The following MAGI1 variants were observed in gnomAD, a reference collection of about 807,000 sequenced individuals.
The protein encoded by MAGI1 is membrane associated guanylate kinase, WW and PDZ domain containing 1.
In MAGI1, 58 loss-of-function variants were observed where a neutral mutation model predicts 139.9. The ratio of observed to expected loss-of-function variants is 0.41; its 90% CI spans 0.34 to 0.52. The LOEUF (loss-of-function observed/expected upper bound fraction) is 0.52, where lower values mean the gene tolerates loss of function less well. Among genes scored for constraint, MAGI1 ranks in the 20% least tolerant of loss-of-function variants. MAGI1 has a pLI of 0.12. For missense variants in MAGI1, 1,874 were observed against 1,901.6 expected (o/e 0.99, Z 0.27); for synonymous variants, 812 against 737.9 (o/e 1.10, Z -1.63).
chr3:65,832,624 T>C (rs1277029241), intron 1 of MAGI1, among the ~76,000 whole-genome samples: 1 of 152,040 alleles, frequency 6.6e-6, no homozygotes, highest in African/African-American at 2.4e-5. Context: ...ACAATTACCA[T>C]GTGTTTTGGA....
chr3:65,378,687 T>C (rs1003066606), intron 17 of MAGI1, among the ~76,000 whole-genome samples: 3 of 149,852 alleles, frequency 2.0e-5, no homozygotes, highest in African/African-American at 7.5e-5. Context: ...CCTTTTCTTT[T>C]TTTTTTTTTT....
At chr3:65,512,036 A>G (rs1358219683) in intron 2 of MAGI1, among the ~76,000 whole-genome samples, 1 of 97,446 alleles carries the variant, frequency 1.0e-5, no homozygotes, top group Non-Finnish European at 2.1e-5. Flanking sequence ...GAAACTGAAC[A>G]ACCTGCTCCT....
chr3:65,710,743 C>A (rs930387686), intron 1 of MAGI1, among the ~76,000 whole-genome samples: 1 of 152,218 alleles, frequency 6.6e-6, no homozygotes, highest in Admixed American at 6.5e-5. Context: ...CAAGGTCACA[C>A]AACAAATCAA....
chr3:65,975,095 A>AG (rs1014861536), intron 1 of MAGI1, among the ~76,000 whole-genome samples: 1 of 151,502 alleles, frequency 6.6e-6, no homozygotes, highest in Non-Finnish European at 1.5e-5. Context: ...AGCTATTTAA[A>AG]AAAAAAAAAA....
chr3:65,372,627 T>A (rs1358195805), intron 18 of MAGI1, among the ~76,000 whole-genome samples: 1 of 152,232 alleles, frequency 6.6e-6, no homozygotes, highest in Non-Finnish European at 1.5e-5. Flanking sequence ...AATGACCATC[T>A]TCTTTCAATA....
At chr3:65,424,484 T>C (rs1416430043) in intron 12 of MAGI1, among the ~76,000 whole-genome samples, 1 of 152,170 alleles carries the variant, frequency 6.6e-6, no homozygotes, top group Non-Finnish European at 1.5e-5. Flanking sequence ...TGAAATTATT[T>C]AGCGGCCTGA....
intron 2 of MAGI1, among the ~76,000 whole-genome samples, chr3:65,542,688 C>T (rs760877163): frequency 2.0e-5 from 3 of 152,148 alleles, no homozygotes; most frequent in Non-Finnish European, 4.4e-5. Context: ...GCTGGGAAAA[C>T]TGGCTAGCCA....
chr3:65,910,591 G>A (rs1419444857), intron 1 of MAGI1, among the ~76,000 whole-genome samples: 2 of 152,118 alleles, frequency 1.3e-5, no homozygotes, highest in African/African-American at 4.8e-5. Flanking sequence ...AGCTGGGAAA[G>A]TGATCATCTA....
At chr3:65,440,437 A>T (rs566501014) in intron 8 of MAGI1, among the ~76,000 whole-genome samples, 27 of 152,284 alleles carry the variant, frequency 1.8e-4, no homozygotes, top group African/African-American at 6.0e-4. Context: ...AATGTCCAAG[A>T]TACCACCTGA....
intron 6 of MAGI1, among the ~76,000 whole-genome samples, chr3:65,450,709 T>C (rs1382981909): frequency 2.6e-5 from 4 of 152,170 alleles, no homozygotes; most frequent in African/African-American, 9.7e-5. Context: ...GAAGGAGTCA[T>C]TCACTAACAT....
At chr3:65,472,592 C>T (rs1354055167) in intron 4 of MAGI1, among the ~76,000 whole-genome samples, 1 of 152,184 alleles carries the variant, frequency 6.6e-6, no homozygotes, top group Non-Finnish European at 1.5e-5. Flanking sequence ...TTTCCAGAAT[C>T]ACCAGGACCT....
intron 1 of MAGI1, among the ~76,000 whole-genome samples, chr3:65,667,662 C>G (rs1248636039): frequency 6.6e-6 from 1 of 152,166 alleles, no homozygotes; most frequent in Non-Finnish European, 1.5e-5. Context: ...GCCTCAACCT[C>G]CTGGGCTCAA....
chr3:65,456,759 C>T (rs1170285638), intron 5 of MAGI1, among the ~76,000 whole-genome samples: 3 of 152,076 alleles, frequency 2.0e-5, no homozygotes, highest in African/African-American at 4.8e-5. Context: ...TGCTCTTGGA[C>T]CATTTACTGA....
At chr3:65,913,261 C>CA (rs1186537305) in intron 1 of MAGI1, among the ~76,000 whole-genome samples, 1 of 151,888 alleles carries the variant, frequency 6.6e-6, no homozygotes, top group Non-Finnish European at 1.5e-5. Context: ...AAGACTGTCT[C>CA]AAAAAACAAA....
chr3:65,518,764 G>A (rs2078013822), intron 2 of MAGI1, among the ~76,000 whole-genome samples: 2 of 104,786 alleles, frequency 1.9e-5, no homozygotes, highest in African/African-American at 5.6e-5. Context: ...GACGGTAGAT[G>A]CAGCAAAAAA....
intron 1 of MAGI1, among the ~76,000 whole-genome samples, chr3:65,716,136 T>C (rs1212193091): frequency 6.6e-6 from 1 of 152,230 alleles, no homozygotes; most frequent in African/African-American, 2.4e-5. Context: ...GTCCTCAACT[T>C]AGGAACTGAT....
rs1054267304 is a variant in MAGI1 at position 66,034,154 on chromosome 3, C to G, written c.313+3842G>C. ...CACCCCATGGTTGTTACCCCACCCC[C>G]CAACCCCAACCCCATCCCCCGCAAA... On this transcript the variant is annotated intron_variant, in intron 1 of 22. Transcript: ENST00000402939. Among the ~76,000 whole-genome samples the G allele has an allele frequency of 2.6e-5, 4 of 152,080 alleles. No individual in the cohort carries two copies. The East Asian group carries it at 5.8e-4, about 22-fold the overall frequency.
chr3:65,921,018 G>T (rs1411815620), intron 1 of MAGI1, among the ~76,000 whole-genome samples: 1 of 151,714 alleles, frequency 6.6e-6, no homozygotes. Flanking sequence ...GACAGAGCAA[G>T]GTTCTGTCTC....
intron 5 of MAGI1, among the ~76,000 whole-genome samples, chr3:65,468,672 C>T (rs763366198): frequency 1.3e-4 from 19 of 151,974 alleles, no homozygotes; most frequent in Non-Finnish European, 2.2e-4. Flanking sequence ...CCACTGCACC[C>T]GGCTGTCAAA....
Sources: allele counts gnomAD v4.1 joint callset (sites outside exome capture counted in the v4.1 genomes callset), GRCh38; gene constraint gnomAD v4.1.1; transcripts MANE v1.5; gene names NCBI Gene and HGNC (gene_info 2026-07-23, HGNC 2026-07-21).